HDAC9: variants seen among roughly 807,000 people sequenced by gnomAD.
HDAC9 encodes MEF-2 interacting transcription repressor (MITR) protein.
In HDAC9, 41 loss-of-function variants were observed where a neutral mutation model predicts 139.4. The observed-to-expected ratio is 0.29, with a 90% CI of 0.23 to 0.38. The LOEUF (loss-of-function observed/expected upper bound fraction) is 0.38. Among genes scored for constraint, HDAC9 ranks in the 10% least tolerant of loss-of-function variants. HDAC9 has a pLI of 1.00. For synonymous variants in HDAC9, 517 were observed against 476.2 expected, an observed-to-expected ratio of 1.09 and a Z score of -1.12; for missense variants, 1,147 against 1,297.0, an observed-to-expected ratio of 0.88 and a Z score of 1.78.
chr7:18,548,010 ACTCAG>A (rs1031296184), intron 2 of HDAC9, among the ~76,000 whole-genome samples: 26 of 151,478 alleles, frequency 1.7e-4, no homozygotes, highest in Middle Eastern at 3.4e-3. Flanking sequence ...TGCCTTCCTA[ACTCAG>A]CTTAATCATT....
At chr7:18,274,642 A>C (rs561076328) in intron 2 of HDAC9, among the ~76,000 whole-genome samples, 1 of 152,322 alleles carries the variant, frequency 6.6e-6, no homozygotes, top group East Asian at 1.9e-4. Context: ...AAAATGGATA[A>C]ATAATTTGAG....
At chr7:18,788,150 C>T (rs570452829) in intron 16 of HDAC9, among the ~76,000 whole-genome samples, 1 of 152,166 alleles carries the variant, frequency 6.6e-6, no homozygotes, top group Non-Finnish European at 1.5e-5. Flanking sequence ...TGATTACTGA[C>T]TTCTCTGCCA....
chr7:18,949,796 G>A (rs1440638226), intron 23 of HDAC9: 5 of 152,016 alleles, frequency 3.3e-5, no homozygotes, highest in South Asian at 2.1e-4. Flanking sequence ...GAGAGAAGGC[G>A]AATGGAGATA....
At chr7:18,796,327 C>A (rs913062238) in intron 17 of HDAC9, among the ~76,000 whole-genome samples, 1 of 152,190 alleles carries the variant, frequency 6.6e-6, no homozygotes, top group South Asian at 2.1e-4. Context: ...TGAACTTGAC[C>A]ATGGCTAACC....
At chr7:18,160,545 A>G (rs942401704) in intron 1 of HDAC9, among the ~76,000 whole-genome samples, 2 of 152,168 alleles carry the variant, frequency 1.3e-5, no homozygotes, top group African/African-American at 4.8e-5. Flanking sequence ...TATGAAAGTA[A>G]TATCAGATAT....
chr7:18,116,724 T>G (rs1363284227), intron 1 of HDAC9, among the ~76,000 whole-genome samples: 1 of 152,132 alleles, frequency 6.6e-6, no homozygotes, highest in African/African-American at 2.4e-5. Context: ...CTAACTCCCC[T>G]TCACCAAATT....
chr7:18,857,139 A>G (rs989695193), intron 21 of HDAC9, among the ~76,000 whole-genome samples: 6 of 152,014 alleles, frequency 3.9e-5, no homozygotes, highest in Non-Finnish European at 2.9e-5. Context: ...TATGACTAAA[A>G]CATGCTTTTC....
At chr7:18,840,013 G>A (rs932238224) in intron 21 of HDAC9, among the ~76,000 whole-genome samples, 1 of 151,980 alleles carries the variant, frequency 6.6e-6, no homozygotes, top group Non-Finnish European at 1.5e-5. Flanking sequence ...AATTTCCAAC[G>A]AATAAGATTT....
At chr7:18,180,220 GACACATACACACACACACAC>G (rs1789288955) in intron 2 of HDAC9, among the ~76,000 whole-genome samples, 1 of 91,054 alleles carries the variant, frequency 1.1e-5, no homozygotes, top group South Asian at 3.6e-4. Flanking sequence ...CCCTCCCCAA[GACACATACACACACACACAC>G]ACACACACAC....
At chr7:18,139,307 T>C (rs527484744) in intron 1 of HDAC9, among the ~76,000 whole-genome samples, 2 of 151,940 alleles carry the variant, frequency 1.3e-5, no homozygotes, top group African/African-American at 4.8e-5. Context: ...TGTTATTTTT[T>C]GTAGAGATGG....
At chr7:18,812,021 G>A (rs1197433287) in intron 17 of HDAC9, among the ~76,000 whole-genome samples, 1 of 151,790 alleles carries the variant, frequency 6.6e-6, no homozygotes, top group Non-Finnish European at 1.5e-5. Context: ...CGTATACTTT[G>A]TCATCTCTAG....
intron 25 of HDAC9, among the ~76,000 whole-genome samples, chr7:18,994,952 T>C (rs1316816968): frequency 6.6e-6 from 1 of 152,178 alleles, no homozygotes; most frequent in African/African-American, 2.4e-5. Context: ...ATCATCCAAA[T>C]ATTTTTTCCT....
At chr7:18,250,644 A>T (rs914117715) in intron 2 of HDAC9, among the ~76,000 whole-genome samples, 1 of 152,182 alleles carries the variant, frequency 6.6e-6, no homozygotes, top group African/African-American at 2.4e-5. Flanking sequence ...TACCACGCAA[A>T]TCTCAAAGCC....
At chr7:18,447,800 A>G (rs1792433313) in intron 1 of HDAC9, among the ~76,000 whole-genome samples, 1 of 152,290 alleles carries the variant, frequency 6.6e-6, no homozygotes, top group African/African-American at 2.4e-5. Flanking sequence ...TAGTGTATGT[A>G]TTCCTATTAG....
At chr7:18,618,936 CT>C (rs1839460279) in intron 6 of HDAC9, among the ~76,000 whole-genome samples, 1 of 151,456 alleles carries the variant, frequency 6.6e-6, no homozygotes, top group African/African-American at 2.4e-5. Flanking sequence ...TATAATAAAA[CT>C]TTGGGATTCA....
At chr7:18,426,587 A>G (rs1790138005) in intron 1 of HDAC9, among the ~76,000 whole-genome samples, 1 of 152,222 alleles carries the variant, frequency 6.6e-6, no homozygotes, top group Non-Finnish European at 1.5e-5. Context: ...CAGCATCTTC[A>G]AAGAGTAGAA....
intron 11 of HDAC9, among the ~76,000 whole-genome samples, chr7:18,659,010 T>C (rs1334496404): frequency 2.6e-5 from 4 of 151,964 alleles, no homozygotes; most frequent in Admixed American, 2.6e-4. Context: ...TGCATTGAAG[T>C]TCACTTTGCA....
intron 12 of HDAC9, among the ~76,000 whole-genome samples, chr7:18,724,225 C>T (rs1273004830): frequency 1.3e-5 from 2 of 152,196 alleles, no homozygotes; most frequent in South Asian, 2.1e-4. Flanking sequence ...ATAGCACTCA[C>T]TGTATTTATA....
At chr7:18,591,721 C>T in intron 5 of HDAC9, 79 bp downstream of exon 5, 4 of 1,527,280 alleles carry the variant, frequency 2.6e-6, no homozygotes, top group Non-Finnish European at 3.5e-6. Flanking sequence ...GGTACACATC[C>T]TTAGCCTGCC....
Sources: gnomAD v4.1 joint callset for allele counts (sites outside exome capture counted in the v4.1 genomes callset) on GRCh38, gnomAD v4.1.1 for gene constraint, MANE v1.5 for transcripts, NCBI Gene and HGNC (gene_info 2026-07-23, HGNC 2026-07-21) for gene names.